The following NRXN1 variants were observed in gnomAD, a reference collection of about 807,000 sequenced individuals.
NRXN1 encodes neurexin-1.
In NRXN1, 39 loss-of-function variants were observed where a neutral mutation model predicts 150.9. The ratio of observed to expected loss-of-function variants is 0.26; its 90% CI spans 0.20 to 0.34. The LOEUF is 0.34. Ranked by LOEUF, NRXN1 falls within the 10% of genes least tolerant of loss-of-function variation. NRXN1 has a pLI of 1.00. For missense variants in NRXN1, 1,815 were observed against 1,949.9 expected (o/e 0.93, Z 1.30); for synonymous variants, 924 against 757.0 (o/e 1.22, Z -3.62).
intron 17 of NRXN1, among the ~76,000 whole-genome samples, chr2:50,359,844 G>C (rs984296217): frequency 1.1e-4 from 16 of 152,216 alleles, no homozygotes; most frequent in African/African-American, 2.9e-4. Flanking sequence ...AAAATGTCAA[G>C]GGCACGCAGA....
At chr2:50,400,063 C>T (rs919130189) in intron 17 of NRXN1, among the ~76,000 whole-genome samples, 2 of 151,876 alleles carry the variant, frequency 1.3e-5, no homozygotes, top group African/African-American at 2.4e-5. Flanking sequence ...TGGCATAATG[C>T]ACCCCAAGAA....
At chr2:50,016,220 T>G (rs1357299369) in intron 21 of NRXN1, among the ~76,000 whole-genome samples, 1 of 152,070 alleles carries the variant, frequency 6.6e-6, no homozygotes, top group Non-Finnish European at 1.5e-5. Context: ...GGAAACAAGA[T>G]AAAATGTATG....
chr2:50,705,986 C>A lies in NRXN1; in HGVS notation c.833-82371G>T, dbSNP rs149409232. Among the ~76,000 whole-genome samples the A allele has an allele frequency of 3.8e-3, 577 of 152,210 alleles. 1 individual carries two copies. The highest frequency in any genetic ancestry group is 0.013 in the African/African-American group (557 of 41,542). The stretch of plus-strand genomic sequence containing the variant: ...AAAAATCACATATGGAGAAAAGAGG[C>A]AAACTGAGTAAAGTTACTCAGCAGT... On this transcript the variant is annotated intron_variant, in intron 5 of 22. Coordinates refer to ENST00000401669, the MANE Select transcript of NRXN1 (RefSeq NM_001330078.2).
chr2:50,160,924 A>C (rs1404361315), intron 18 of NRXN1, among the ~76,000 whole-genome samples: 2 of 152,148 alleles, frequency 1.3e-5, no homozygotes, highest in African/African-American at 4.8e-5. Context: ...GAATAGTAGC[A>C]TCCTATGAAA....
chr2:50,895,491 G>A (rs1424568965), intron 5 of NRXN1, among the ~76,000 whole-genome samples: 1 of 152,086 alleles, frequency 6.6e-6, no homozygotes, highest in Non-Finnish European at 1.5e-5. Flanking sequence ...CTATATTCAG[G>A]GGTCAGGCAC....
intron 2 of NRXN1, among the ~76,000 whole-genome samples, chr2:50,937,346 A>G (rs1688702865): frequency 6.6e-6 from 1 of 152,242 alleles, no homozygotes; most frequent in Non-Finnish European, 1.5e-5. Flanking sequence ...CTTAATAAAT[A>G]TGTGTTATAA....
At chr2:50,682,369 C>T (rs1196594137) in intron 5 of NRXN1, among the ~76,000 whole-genome samples, 7 of 152,084 alleles carry the variant, frequency 4.6e-5, no homozygotes, top group Non-Finnish European at 1.0e-4. Context: ...AGTTTACTAT[C>T]CCATGTCTTC....
intron 5 of NRXN1, among the ~76,000 whole-genome samples, chr2:50,684,678 C>A (rs1690957268): frequency 1.3e-5 from 2 of 152,122 alleles, no homozygotes; most frequent in South Asian, 2.1e-4. Flanking sequence ...TAAGCAACTG[C>A]ATGGATTATT....
chr2:50,408,076 T>C (rs759719040), intron 17 of NRXN1, among the ~76,000 whole-genome samples: 1 of 152,178 alleles, frequency 6.6e-6, no homozygotes, highest in Non-Finnish European at 1.5e-5. Context: ...CAGTGTATAG[T>C]ATCTATATGC....
chr2:50,544,540 G>A (rs922953790), intron 9 of NRXN1, among the ~76,000 whole-genome samples: 3 of 151,906 alleles, frequency 2.0e-5, no homozygotes, highest in Non-Finnish European at 4.4e-5. Context: ...GGGAACTTCA[G>A]GAATTAAATC....
chr2:50,121,279 C>A (rs1003136565), intron 18 of NRXN1, among the ~76,000 whole-genome samples: 1 of 152,204 alleles, frequency 6.6e-6, no homozygotes, highest in Non-Finnish European at 1.5e-5. Context: ...CCTCAGCCTC[C>A]CAAAGTGCTG....
chr2:50,982,721 A>G (rs1010524031), intron 2 of NRXN1, among the ~76,000 whole-genome samples: 1 of 152,124 alleles, frequency 6.6e-6, no homozygotes, highest in Non-Finnish European at 1.5e-5. Flanking sequence ...AAATATAAAA[A>G]TATAAAAATA....
chr2:50,700,023 T>C, intron 5 of NRXN1, among the ~76,000 whole-genome samples: 1 of 152,152 alleles, frequency 6.6e-6, no homozygotes, highest in Non-Finnish European at 1.5e-5. Flanking sequence ...GTTTGCATAA[T>C]TAAAAGATAA....
intron 5 of NRXN1, among the ~76,000 whole-genome samples, chr2:50,752,382 G>A (rs1700696722): frequency 1.3e-5 from 2 of 151,872 alleles, no homozygotes; most frequent in African/African-American, 4.8e-5. Context: ...ATATAAACAT[G>A]TGCTCATTGA....
intron 2 of NRXN1, among the ~76,000 whole-genome samples, chr2:51,021,406 T>C (rs1218201778): frequency 6.6e-6 from 1 of 152,000 alleles, no homozygotes; most frequent in Non-Finnish European, 1.5e-5. Flanking sequence ...CTCAGAGCCC[T>C]GGTTTTCATA....
intron 5 of NRXN1, among the ~76,000 whole-genome samples, chr2:50,657,726 T>A (rs1041696813): frequency 1.3e-4 from 19 of 151,952 alleles, no homozygotes; most frequent in African/African-American, 4.6e-4. Context: ...AAAAAAGAAG[T>A]ATACATCTTT....
At chr2:50,408,572 T>A (rs2082913884) in intron 17 of NRXN1, among the ~76,000 whole-genome samples, 1 of 152,208 alleles carries the variant, frequency 6.6e-6, no homozygotes, top group Non-Finnish European at 1.5e-5. Context: ...TGATGTAGCA[T>A]GCATCAACAG....
At chr2:50,888,795 T>C (rs1014532953) in intron 5 of NRXN1, among the ~76,000 whole-genome samples, 1 of 151,114 alleles carries the variant, frequency 6.6e-6, no homozygotes, top group Non-Finnish European at 1.5e-5. Context: ...AACTCTTGTT[T>C]GATTTTCATA....
intron 17 of NRXN1, among the ~76,000 whole-genome samples, chr2:50,442,283 T>A (rs2086021578): frequency 6.6e-6 from 1 of 152,186 alleles, no homozygotes; most frequent in Non-Finnish European, 1.5e-5. Context: ...ATGTTGCCTA[T>A]CATTATTATT....
Sources: gnomAD v4.1 joint callset for allele counts (sites outside exome capture counted in the v4.1 genomes callset) on GRCh38, gnomAD v4.1.1 for gene constraint, MANE v1.5 for transcripts, NCBI Gene and HGNC (gene_info 2026-07-23, HGNC 2026-07-21) for gene names.